PCDH15: variants seen among roughly 807,000 people sequenced by gnomAD.
PCDH15 encodes protocadherin-15.
Under a neutral mutation model 178.5 loss-of-function variants are expected in PCDH15, and 129 were observed. The ratio of observed to expected loss-of-function variants is 0.72; its 90% confidence interval spans 0.63 to 0.84. The LOEUF (loss-of-function observed/expected upper bound fraction) is 0.84, where lower values mean the gene tolerates loss of function less well. Ranked by LOEUF, PCDH15 falls within the 40% of genes least tolerant of loss-of-function variation. PCDH15 has a pLI of 0.00. For synonymous variants in PCDH15, 800 were observed against 732.0 expected, an observed-to-expected ratio of 1.09 and a Z score of -1.50; for missense variants, 2,230 against 2,099.9, an observed-to-expected ratio of 1.06 and a Z score of -1.21.
chr10:54,778,496 T>C (rs1949944795), intron 1 of PCDH15, among the ~76,000 whole-genome samples: 2 of 152,168 alleles, frequency 1.3e-5, no homozygotes, highest in South Asian at 4.1e-4. Context: ...ACAAAGTCTG[T>C]AGACAATGTT....
chr10:54,391,613 T>G (rs1422642016), intron 3 of PCDH15, among the ~76,000 whole-genome samples: 1 of 150,058 alleles, frequency 6.7e-6, no homozygotes, highest in East Asian at 2.0e-4. Context: ...CATAATCTAA[T>G]GGGGAAATGT....
chr10:55,253,199 G>C (rs1321327543), intron 1 of PCDH15, among the ~76,000 whole-genome samples: 1 of 151,110 alleles, frequency 6.6e-6, no homozygotes, highest in African/African-American at 2.4e-5. Context: ...AGAGAGTATA[G>C]GGCATGGAGA....
At chr10:54,344,589 G>A (rs1211879170) in intron 6 of PCDH15, among the ~76,000 whole-genome samples, 3 of 151,650 alleles carry the variant, frequency 2.0e-5, no homozygotes, top group Admixed American at 1.3e-4. Flanking sequence ...TTACACCTTG[G>A]GGAGTAAAGA....
At chr10:54,634,700 A>C (rs2093799841) in intron 2 of PCDH15, among the ~76,000 whole-genome samples, 1 of 152,052 alleles carries the variant, frequency 6.6e-6, no homozygotes, top group African/African-American at 2.4e-5. Context: ...ACTTTTAAAG[A>C]TGCTTGCGCG....
At chr10:54,913,790 T>C (rs1012195288) in intron 2 of PCDH15, among the ~76,000 whole-genome samples, 1 of 151,098 alleles carries the variant, frequency 6.6e-6, no homozygotes, top group Non-Finnish European at 1.5e-5. Flanking sequence ...ATATGAGAGA[T>C]AGAGTCAAAA....
intron 3 of PCDH15, among the ~76,000 whole-genome samples, chr10:54,418,183 T>A (rs1250051854): frequency 6.8e-6 from 1 of 147,698 alleles, no homozygotes; most frequent in East Asian, 1.9e-4. Flanking sequence ...TAAAATCAAT[T>A]AAGACAGGGT....
chr10:54,487,752 A>G (rs574403019), intron 3 of PCDH15, among the ~76,000 whole-genome samples: 6 of 152,168 alleles, frequency 3.9e-5, no homozygotes, highest in Non-Finnish European at 7.4e-5. Flanking sequence ...TCTTAAAGTC[A>G]TAGTCAAAAG....
At chr10:54,989,901 G>T (rs1429744762) in intron 2 of PCDH15, among the ~76,000 whole-genome samples, 2 of 152,066 alleles carry the variant, frequency 1.3e-5, no homozygotes, top group South Asian at 4.1e-4. Context: ...TGAATCATAG[G>T]GGCAGGTCTT....
chr10:55,506,305 G>C (rs948072741), intron 2 of PCDH15: 10 of 151,474 alleles, frequency 6.6e-5, no homozygotes, highest in Non-Finnish European at 1.3e-4. Context: ...GTAATGTGTT[G>C]AGTATTAGAT....
intron 1 of PCDH15, among the ~76,000 whole-genome samples, chr10:54,758,131 T>C (rs930216664): frequency 6.6e-5 from 10 of 152,338 alleles, no homozygotes; most frequent in African/African-American, 2.4e-4. Context: ...TTAGATACCA[T>C]GTAGTTTGTT....
At chr10:55,266,035 T>G (rs1211688898) in intron 1 of PCDH15, among the ~76,000 whole-genome samples, 1 of 152,118 alleles carries the variant, frequency 6.6e-6, no homozygotes, top group Non-Finnish European at 1.5e-5. Flanking sequence ...CTTCTAAAGT[T>G]TAACCACTCC....
At chr10:55,229,929 A>G (rs1841162179) in intron 1 of PCDH15, among the ~76,000 whole-genome samples, 1 of 152,012 alleles carries the variant, frequency 6.6e-6, no homozygotes, top group South Asian at 2.1e-4. Context: ...AACTATATGG[A>G]CAATAATAGT....
At chr10:54,942,000 CCTAT>C (rs1423890807) in intron 2 of PCDH15, among the ~76,000 whole-genome samples, 1 of 152,024 alleles carries the variant, frequency 6.6e-6, no homozygotes, top group Non-Finnish European at 1.5e-5. Flanking sequence ...TCTACTAATT[CCTAT>C]CTGATTGCAC....
At chr10:55,585,558 T>G (rs1842710497) in intron 2 of PCDH15, among the ~76,000 whole-genome samples, 1 of 152,004 alleles carries the variant, frequency 6.6e-6, no homozygotes, top group Non-Finnish European at 1.5e-5. Context: ...GCGCCTGTAG[T>G]CCCAGCTACT....
chr10:55,363,783 G>A (rs1845288867), intron 2 of PCDH15, among the ~76,000 whole-genome samples: 2 of 151,878 alleles, frequency 1.3e-5, no homozygotes, highest in African/African-American at 4.8e-5. Flanking sequence ...TTACAGGCAT[G>A]CACCACCACA....
At position 55,604,742 on chromosome 10, in the gene PCDH15, A is replaced by G. The variant is rs572702511; in HGVS notation, c.-156+22883T>C. ...ACCAGAATCTCTGGGACGCATTCAAAGCAGTGTGTAGAGGGAAATTTATAG... is the reference window on the plus strand; with the variant it reads ...ACCAGAATCTCTGGGACGCATTCAAGGCAGTGTGTAGAGGGAAATTTATAG... On this transcript the variant is annotated intron_variant, in intron 2 of 5. Coordinates refer to the PCDH15 transcript ENST00000613346. 9.8e-3 allele frequency among the ~76,000 whole-genome samples: 1,204 copies of G among 123,418 alleles called. 3 individuals carry two copies. The highest frequency in any genetic ancestry group is 0.02 in the African/African-American group (647 of 31,722). 81.0% of individuals were successfully genotyped at this position (123,418 alleles called of 152,430 possible). A position where few individuals can be genotyped will look rare whatever the true frequency, so the allele number is the denominator to read the frequency against.
chr10:54,947,931 C>T (rs1236225388), intron 2 of PCDH15, among the ~76,000 whole-genome samples: 1 of 151,948 alleles, frequency 6.6e-6, no homozygotes, highest in Non-Finnish European at 1.5e-5. Flanking sequence ...TTCCCATTCA[C>T]TTGATCCTTC....
At chr10:54,015,948 C>T (rs141570424) in intron 20 of PCDH15, among the ~76,000 whole-genome samples, 122 of 151,882 alleles carry the variant, frequency 8.0e-4, no homozygotes, top group South Asian at 3.5e-3. Context: ...CAAAACAAAA[C>T]GAAACAAAAA....
chr10:54,297,704 C>T (rs759542595), intron 8 of PCDH15, among the ~76,000 whole-genome samples: 4 of 152,128 alleles, frequency 2.6e-5, no homozygotes, highest in Non-Finnish European at 4.4e-5. Context: ...TTTGGCCCAA[C>T]GTGGGTACAT....
Sources: allele counts gnomAD v4.1 joint callset (sites outside exome capture counted in the v4.1 genomes callset), GRCh38; gene constraint gnomAD v4.1.1; transcripts MANE v1.5; gene names NCBI Gene and HGNC (gene_info 2026-07-23, HGNC 2026-07-21).